Variants in SLCO3A1 observed in about 807,000 individuals in gnomAD.
SLCO3A1 encodes solute carrier organic anion transporter family member 3A1.
Under a neutral mutation model 63.1 loss-of-function variants are expected in SLCO3A1, and 27 were observed. The ratio of observed to expected loss-of-function variants is 0.43; its 90% CI spans 0.32 to 0.59. The LOEUF (loss-of-function observed/expected upper bound fraction) is 0.59, where lower values mean the gene tolerates loss of function less well. SLCO3A1 is among the 20% of genes least tolerant of loss of function. SLCO3A1 has a pLI of 0.09. For missense variants in SLCO3A1, 773 were observed against 945.8 expected (o/e 0.82, Z 2.40); for synonymous variants, 473 against 409.9 (o/e 1.15, Z -1.86).
intron 2 of SLCO3A1, among the ~76,000 whole-genome samples, chr15:91,973,705 AGTG>A (rs1258800408): frequency 6.6e-6 from 1 of 152,114 alleles, no homozygotes; most frequent in East Asian, 1.9e-4. Context: ...ACTGGCATCT[AGTG>A]GGGAGAGGCT....
At chr15:91,988,641 C>G (rs984617534) in intron 2 of SLCO3A1, among the ~76,000 whole-genome samples, 2 of 152,028 alleles carry the variant, frequency 1.3e-5, no homozygotes, top group African/African-American at 4.8e-5. Context: ...GCTTGTTCCA[C>G]CACAGATTGC....
intron 5 of SLCO3A1, among the ~76,000 whole-genome samples, chr15:92,125,548 G>C (rs2047910857): frequency 6.6e-6 from 1 of 152,092 alleles, no homozygotes; most frequent in African/African-American, 2.4e-5. Flanking sequence ...CTATGGCCTG[G>C]TGAATTCCGT....
intron 2 of SLCO3A1, among the ~76,000 whole-genome samples, chr15:91,972,213 T>C (rs1245808762): frequency 2.6e-5 from 4 of 152,164 alleles, no homozygotes; most frequent in Non-Finnish European, 4.4e-5. Context: ...CATTAAGAGA[T>C]TATACCTTCA....
chr15:92,172,259 A>G (rs1249894672), exon 11 of SLCO3A1: 1 of 176,956 alleles, frequency 5.7e-6, no homozygotes, highest in African/African-American at 2.4e-5. Context: ...GAGGGTAAAA[A>G]CCAACCTGTT....
At chr15:92,109,978 G>A (rs949777227) in intron 4 of SLCO3A1, among the ~76,000 whole-genome samples, 4 of 152,060 alleles carry the variant, frequency 2.6e-5, no homozygotes, top group African/African-American at 9.7e-5. Flanking sequence ...CCCGTTTCCT[G>A]TAAGGGTTCA....
chr15:92,169,599 G>T (rs753017326), downstream of SLCO3A1, among the ~76,000 whole-genome samples: 1 of 151,668 alleles, frequency 6.6e-6, no homozygotes, highest in African/African-American at 2.4e-5. Flanking sequence ...AGTGCATTCC[G>T]AAATGCACTA....
rs376941620 is a variant in SLCO3A1, at chr15:91,867,376, G to C, written c.180+13288G>C. ...GCTCACCAGTATGGGTGCCACATGG[G>C]AGGGGGGCAAATATAGGGTCCTGGG... is the stretch of plus-strand genomic sequence containing the variant. On this transcript the variant is annotated intron_variant, in intron 1 of 9. Transcript: ENST00000318445. Among the ~76,000 whole-genome samples the C allele has an allele frequency of 9.3e-4, 141 of 152,310 alleles. 2 individuals carry two copies. The highest frequency in any genetic ancestry group is 3.3e-3 in the African/African-American group (136 of 41,578).
chr15:91,875,466 C>T lies in SLCO3A1; in HGVS notation c.180+21378C>T, dbSNP rs756999046. Among the ~76,000 whole-genome samples, 28 of 152,312 alleles carry T rather than the reference C, an allele frequency of 1.8e-4. No homozygotes were observed. The highest frequency in any genetic ancestry group is 2.8e-4 in the Non-Finnish European group (19 of 68,032). On this transcript the variant is annotated intron_variant, in intron 1 of 9. Transcript: ENST00000318445. The surrounding 1 kb of genome is among the most constrained non-coding windows in gnomAD (Gnocchi z 4.5). ...CCTGGATTCCAATCCCAGCTCTGCC[C>T]GTCACATGTGACGTAAACCTAGGTT...
intron 2 of SLCO3A1, among the ~76,000 whole-genome samples, chr15:92,087,195 T>C (rs2047416225): frequency 7.8e-6 from 1 of 128,956 alleles, no homozygotes; most frequent in Admixed American, 9.0e-5. Flanking sequence ...CAAATTGTCC[T>C]GGCACCATTT....
chr15:92,122,775 A>G (rs1164136512), intron 5 of SLCO3A1, among the ~76,000 whole-genome samples: 2 of 152,224 alleles, frequency 1.3e-5, no homozygotes, highest in Admixed American at 6.5e-5. Flanking sequence ...TCAATGTAAA[A>G]TGGATAAATT....
chr15:91,987,423 T>C (rs1003243532), intron 2 of SLCO3A1, among the ~76,000 whole-genome samples: 1 of 152,214 alleles, frequency 6.6e-6, no homozygotes, highest in Non-Finnish European at 1.5e-5. Flanking sequence ...TTGGAATTTA[T>C]GTATTATTGA....
chr15:91,973,442 C>G (rs538875964), intron 2 of SLCO3A1, among the ~76,000 whole-genome samples: 1 of 152,194 alleles, frequency 6.6e-6, no homozygotes, highest in African/African-American at 2.4e-5. Flanking sequence ...ATACAATTAT[C>G]TTTAGTTGGT....
chr15:92,163,546 TAAAAAAAATTAAAA>T lies in SLCO3A1; in HGVS notation c.*420_*433del. 1 of 889,080 alleles carries T rather than the reference TAAAAAAAATTAAAA, an allele frequency of 1.1e-6. No homozygotes were observed. 55.1% of individuals were successfully genotyped at this position (889,080 alleles called of 1,614,324 possible). On this transcript the variant is annotated 3_prime_UTR_variant, in exon 10 of 10. Transcript: ENST00000318445. ...ATTTTTTAAAAGAAGTTTCCTAAAA[TAAAAAAAATTAAAA>T]AAAAAAAACCCACAAGTTGAAAACA... is the stretch of plus-strand genomic sequence containing the variant.
At chr15:91,984,581 A>C (rs747782124) in intron 2 of SLCO3A1, among the ~76,000 whole-genome samples, 6 of 152,132 alleles carry the variant, frequency 3.9e-5, no homozygotes, top group Non-Finnish European at 8.8e-5. Context: ...GATAACATAG[A>C]AGGCATATTA....
At chr15:92,149,154 A>C (rs557601528) in intron 8 of SLCO3A1, 2 of 152,448 alleles carry the variant, frequency 1.3e-5, no homozygotes, top group Non-Finnish European at 2.9e-5. Flanking sequence ...ACTACCAAAC[A>C]TGGAAAGTTT....
chr15:92,154,851 G>T (rs1450171228), intron 9 of SLCO3A1, among the ~76,000 whole-genome samples: 1 of 152,064 alleles, frequency 6.6e-6, no homozygotes, highest in Non-Finnish European at 1.5e-5. Flanking sequence ...AAGGAGAGAG[G>T]ACAAAGATAC....
chr15:92,075,011 T>TC (rs2047261108), intron 2 of SLCO3A1, among the ~76,000 whole-genome samples: 1 of 152,128 alleles, frequency 6.6e-6, no homozygotes, highest in Non-Finnish European at 1.5e-5. Flanking sequence ...TGCCTTCCTA[T>TC]CACCCAGCAG....
chr15:92,011,942 T>C (rs1213134992), intron 2 of SLCO3A1, among the ~76,000 whole-genome samples: 2 of 152,208 alleles, frequency 1.3e-5, no homozygotes, highest in African/African-American at 4.8e-5. Context: ...GTCCCCAGGG[T>C]CACAGACTGC....
downstream of SLCO3A1, among the ~76,000 whole-genome samples, chr15:92,169,414 G>T (rs930867097): frequency 2.0e-5 from 3 of 152,186 alleles, no homozygotes; most frequent in Admixed American, 2.0e-4. Flanking sequence ...ACCCTGGCCC[G>T]AGTGGACTGT....
Sources: gnomAD v4.1 joint callset for allele counts (sites outside exome capture counted in the v4.1 genomes callset) on GRCh38, gnomAD v4.1.1 for gene constraint, Gnocchi (gnomAD v3.1) non-coding constraint, MANE v1.5 for transcripts, NCBI Gene and HGNC (gene_info 2026-07-23, HGNC 2026-07-21) for gene names.